DEPTOR: variants seen among roughly 807,000 people sequenced by gnomAD.
DEPTOR encodes the protein DEP domain-containing mTOR-interacting protein.
Under a neutral mutation model 41.6 loss-of-function variants are expected in DEPTOR, and 41 were observed. The observed-to-expected ratio is 0.98, with a 90% CI of 0.77 to 1.28. DEPTOR has a LOEUF of 1.28. DEPTOR is among the 50% of genes most tolerant of loss of function. The probability of loss-of-function intolerance (pLI) is 0.00; values close to 1 mark genes in which losing one functional copy is unlikely to be tolerated. For missense variants in DEPTOR, 514 were observed against 527.9 expected, an observed-to-expected ratio of 0.97 and a Z score of 0.26; for synonymous variants, 195 against 192.3, an observed-to-expected ratio of 1.01 and a Z score of -0.12.
chr8:120,035,664 T>G (rs1387994902), intron 8 of DEPTOR, among the ~76,000 whole-genome samples: 1 of 152,166 alleles, frequency 6.6e-6, no homozygotes, highest in African/African-American at 2.4e-5. Context: ...CCCAAGTAGC[T>G]GAGATAACAG....
intron 1 of DEPTOR, among the ~76,000 whole-genome samples, chr8:119,911,421 C>T (rs1452730649): frequency 2.0e-5 from 3 of 148,796 alleles, no homozygotes; most frequent in African/African-American, 2.5e-5. Context: ...CGGGTTCAAG[C>T]GATTCTCCTG....
chr8:119,951,089 A>ACG (rs1272269231), intron 3 of DEPTOR, among the ~76,000 whole-genome samples: 1 of 151,702 alleles, frequency 6.6e-6, no homozygotes, highest in Non-Finnish European at 1.5e-5. Context: ...ACACACACAC[A>ACG]CACACATCAA....
intron 2 of DEPTOR, among the ~76,000 whole-genome samples, 165 bp downstream of exon 2, chr8:119,928,743 C>CTTTTTTTTTTTTTTTT (rs376801517): frequency 1.6e-5 from 2 of 127,920 alleles, no homozygotes; most frequent in African/African-American, 2.9e-5. Flanking sequence ...TGGGTTCTTT[C>CTTTTTTTTTTTTTTTT]TTTTTTTTTT....
intron 4 of DEPTOR, among the ~76,000 whole-genome samples, chr8:119,992,836 T>C (rs1355329186): frequency 6.6e-6 from 1 of 152,016 alleles, no homozygotes; most frequent in African/African-American, 2.4e-5. Context: ...TTTATGTTTT[T>C]ACCTGAGACA....
chr8:119,914,602 G>A (rs778800444), intron 1 of DEPTOR, among the ~76,000 whole-genome samples: 6 of 151,000 alleles, frequency 4.0e-5, no homozygotes, highest in African/African-American at 1.5e-4. Context: ...ACCACGCCAG[G>A]CTAATTTTTG....
chr8:120,036,146 A>G (rs935661004), intron 8 of DEPTOR, among the ~76,000 whole-genome samples: 1 of 152,188 alleles, frequency 6.6e-6, no homozygotes. Context: ...AGCAGAGCGT[A>G]CCAAGAGGGA....
intron 3 of DEPTOR, among the ~76,000 whole-genome samples, chr8:119,961,691 C>T (rs999006068): frequency 3.3e-5 from 5 of 152,154 alleles, no homozygotes; most frequent in African/African-American, 7.2e-5. Context: ...CCATTTTTCT[C>T]ATTTGAATGG....
Position 120,030,497 on chromosome 8 carries a change from G to GTTTT in DEPTOR, c.1102-19054_1102-19051dup, listed in dbSNP as rs1171655489. ...AATGATGTATTGTGTAGGTTCATCA[G>GTTTT]TTTTTTTTTTTTTTTTTTTTTTTTT... On this transcript the variant is annotated intron_variant, in intron 8 of 8. Transcript: ENST00000286234. 1.2e-3 allele frequency among the ~76,000 whole-genome samples: 57 copies of GTTTT among 46,204 alleles called. 11 individuals are homozygous for GTTTT. Among genetic ancestry groups the GTTTT allele is most frequent in the African/African-American group, 3.5e-3 (39 of 11,278 alleles). The allele number at this position is 46,204 out of a possible 152,430, so 30.3% of individuals were successfully genotyped here.
intron 1 of DEPTOR, among the ~76,000 whole-genome samples, chr8:119,918,911 G>C (rs28393075): frequency 0.05 from 7,572 of 150,886 alleles, 296 homozygotes; most frequent in South Asian, 0.17. Flanking sequence ...ACCTTATGAA[G>C]TGGTTACTGC....
intron 6 of DEPTOR, among the ~76,000 whole-genome samples, chr8:120,005,932 G>A (rs1277794061): frequency 6.6e-6 from 1 of 152,114 alleles, no homozygotes; most frequent in African/African-American, 2.4e-5. Flanking sequence ...ATGGCCCAGA[G>A]TAAATGTGGC....
intron 8 of DEPTOR, among the ~76,000 whole-genome samples, chr8:120,036,296 G>A (rs1431875365): frequency 6.6e-6 from 1 of 152,216 alleles, no homozygotes; most frequent in South Asian, 2.1e-4. Context: ...TATTGTGAAA[G>A]TTAGTCATTC....
At chr8:119,968,545 G>A (rs1315949885) in intron 4 of DEPTOR, among the ~76,000 whole-genome samples, 1 of 152,052 alleles carries the variant, frequency 6.6e-6, no homozygotes, top group Non-Finnish European at 1.5e-5. Flanking sequence ...CAAGTGATGC[G>A]CCTGCCCCGG....
At chr8:119,933,387 G>A (rs1416805429) in intron 3 of DEPTOR, among the ~76,000 whole-genome samples, 2 of 151,596 alleles carry the variant, frequency 1.3e-5, no homozygotes, top group Admixed American at 1.3e-4. Context: ...CTACTTGGGA[G>A]GCTGAGAGGC....
At chr8:119,965,184 T>C (rs1414543560) in intron 3 of DEPTOR, 48 bp from the exon 4 acceptor site, 2 of 1,550,686 alleles carry the variant, frequency 1.3e-6, no homozygotes, top group Admixed American at 4.1e-5. Context: ...AATGAGCTGT[T>C]TTCCTTTCGT....
At chr8:120,002,249 C>G (rs1812360904) in intron 5 of DEPTOR, among the ~76,000 whole-genome samples, 1 of 152,112 alleles carries the variant, frequency 6.6e-6, no homozygotes, top group Non-Finnish European at 1.5e-5. Context: ...AAGAGACTCT[C>G]CTGCCTCAGC....
intron 1 of DEPTOR, among the ~76,000 whole-genome samples, chr8:119,908,433 G>GA (rs199708328): frequency 7.3e-4 from 110 of 151,232 alleles, no homozygotes; most frequent in East Asian, 2.9e-3. Context: ...TACAAAAAAT[G>GA]AAAAAAAAAA....
chr8:119,900,596 C>T (rs1300206750), intron 1 of DEPTOR, among the ~76,000 whole-genome samples: 2 of 151,650 alleles, frequency 1.3e-5, no homozygotes, highest in East Asian at 3.9e-4. Flanking sequence ...ACTATGTTGC[C>T]CAGGTTGATC....
rs538706669 is a variant in DEPTOR at position 119,917,568 on chromosome 8, C to T, written c.123-10832C>T. 2.9e-4 allele frequency among the ~76,000 whole-genome samples: 44 copies of T among 152,272 alleles called. No individual in the cohort carries two copies. In the South Asian group the frequency reaches 7.7e-3, roughly 27 times the overall value. On this transcript the variant is annotated intron_variant, in intron 1 of 8. Coordinates refer to ENST00000286234, the MANE Select transcript of DEPTOR (RefSeq NM_022783.4). ...CATCACCACTCCCTAATCTCAAGTACCCAGGGAAAGAAAGCACTGCAGAAG... is the reference window on the plus strand; with the variant it reads ...CATCACCACTCCCTAATCTCAAGTATCCAGGGAAAGAAAGCACTGCAGAAG...
intron 4 of DEPTOR, among the ~76,000 whole-genome samples, chr8:120,000,065 G>T (rs187667599): frequency 4.2e-4 from 64 of 152,222 alleles, no homozygotes; most frequent in African/African-American, 1.3e-3. Context: ...TATGTAAGGG[G>T]TTACCATTGG....
Sources: gnomAD v4.1 joint callset for allele counts (sites outside exome capture counted in the v4.1 genomes callset) on GRCh38, gnomAD v4.1.1 for gene constraint, MANE v1.5 for transcripts, NCBI Gene and HGNC (gene_info 2026-07-23, HGNC 2026-07-21) for gene names.